Variants in NCOA7 observed in about 807,000 individuals in gnomAD.
NCOA7 encodes the protein 140 kDa estrogen receptor-associated protein.
A neutral mutation model predicts 104.3 loss-of-function variants in NCOA7; 45 were observed. That is an observed-to-expected ratio of 0.43 (90% CI 0.34 to 0.55). The LOEUF is 0.55. NCOA7 is among the 20% of genes least tolerant of loss of function. The pLI is 0.02. For missense variants in NCOA7, 1,041 were observed against 1,119.7 expected (o/e 0.93, Z 1.00); for synonymous variants, 398 against 402.3 (o/e 0.99, Z 0.13).
At chr6:125,893,525 T>C (rs1246288941) in intron 10 of NCOA7, among the ~76,000 whole-genome samples, 1 of 152,134 alleles carries the variant, frequency 6.6e-6, no homozygotes, top group Non-Finnish European at 1.5e-5. Context: ...TTATTTACAA[T>C]GTACCCTATG....
At chr6:125,894,591 T>A (rs369115072) in intron 10 of NCOA7, among the ~76,000 whole-genome samples, 12 of 152,306 alleles carry the variant, frequency 7.9e-5, no homozygotes, top group East Asian at 5.8e-4. Context: ...TAAAGTTCAA[T>A]GCAGAGGATA....
intron 1 of NCOA7, among the ~76,000 whole-genome samples, chr6:125,803,151 G>A (rs546279054): frequency 4.6e-5 from 7 of 152,176 alleles, no homozygotes; most frequent in African/African-American, 7.2e-5. Context: ...TGATTGTGTG[G>A]CACTATTGAA....
chr6:125,837,233 A>T (rs989948365), intron 2 of NCOA7, among the ~76,000 whole-genome samples: 3 of 152,088 alleles, frequency 2.0e-5, no homozygotes, highest in Non-Finnish European at 4.4e-5. Context: ...CCCGGATTGA[A>T]GTTTGTTTCT....
intron 2 of NCOA7, among the ~76,000 whole-genome samples, chr6:125,843,271 C>G (rs764117009): frequency 5.9e-5 from 9 of 152,066 alleles, no homozygotes; most frequent in Non-Finnish European, 8.8e-5. Context: ...AAGGGGCTAC[C>G]AGTAATATAG....
At chr6:125,919,548 A>G in intron 11 of NCOA7, 1 of 1,010,054 alleles carries the variant, frequency 9.9e-7, no homozygotes, top group East Asian at 2.6e-5. Context: ...CATTTCTACC[A>G]GCAGGTGTTT....
At chr6:125,908,246 C>T (rs1786207086) in intron 10 of NCOA7, among the ~76,000 whole-genome samples, 1 of 152,202 alleles carries the variant, frequency 6.6e-6, no homozygotes. Context: ...AAAATTGACA[C>T]CCCAGTACAC....
chr6:125,859,843 A>C (rs1781892364), intron 3 of NCOA7, among the ~76,000 whole-genome samples: 1 of 152,234 alleles, frequency 6.6e-6, no homozygotes, highest in Non-Finnish European at 1.5e-5. Flanking sequence ...GTAATAAGTC[A>C]TTGCTATCTC....
chr6:125,824,420 A>C (rs1482934501), intron 2 of NCOA7, among the ~76,000 whole-genome samples: 1 of 152,212 alleles, frequency 6.6e-6, no homozygotes, highest in Non-Finnish European at 1.5e-5. Context: ...AGTTTTCCCC[A>C]AAATGGGAAT....
intron 2 of NCOA7, among the ~76,000 whole-genome samples, chr6:125,841,805 C>T (rs1403797462): frequency 1.3e-5 from 2 of 152,036 alleles, no homozygotes; most frequent in Admixed American, 6.6e-5. Flanking sequence ...GGAAAAAATA[C>T]CTCTAAGATG....
intron 1 of NCOA7, among the ~76,000 whole-genome samples, chr6:125,811,727 C>A (rs1449353506): frequency 6.6e-6 from 1 of 152,124 alleles, no homozygotes; most frequent in African/African-American, 2.4e-5. Flanking sequence ...CACTCGAATT[C>A]TTGAATGAGT....
chr6:125,846,192 A>G (rs1378641190), intron 2 of NCOA7, among the ~76,000 whole-genome samples: 2 of 151,812 alleles, frequency 1.3e-5, no homozygotes, highest in Admixed American at 6.6e-5. Flanking sequence ...TTTGCTTTTA[A>G]TAGCCTTTGT....
At chr6:125,803,028 T>C (rs1453123829) in intron 1 of NCOA7, among the ~76,000 whole-genome samples, 1 of 152,214 alleles carries the variant, frequency 6.6e-6, no homozygotes, top group African/African-American at 2.4e-5. Flanking sequence ...CTCTCTGTTG[T>C]TACCAAGACA....
In NCOA7 at chr6:125,889,260, A is replaced by G. The variant is rs1784455394; in HGVS notation, c.1206A>G (p.Glu402=). The G allele has an allele frequency of 6.2e-7, 1 of 1,613,926 alleles. No homozygotes were observed. Among genetic ancestry groups the G allele is most frequent in the South Asian group, 1.1e-5 (1 of 91,086 alleles). Residue 402 remains glutamate (E), a synonymous_variant, in exon 9 of 16, where the codon GAA becomes GAG. Coordinates refer to ENST00000392477, the MANE Select transcript of NCOA7 (RefSeq NM_181782.5). ...KEPSDTSSAF[E]STAKENFLGE... ...CTTCCGACACTTCTTCTGCATTTGA[A>G]TCTACAGCCAAAGAAAACTTTCTAG...
At chr6:125,862,837 T>C (rs957765118) in intron 3 of NCOA7, among the ~76,000 whole-genome samples, 1 of 136,768 alleles carries the variant, frequency 7.3e-6, no homozygotes, top group African/African-American at 3.1e-5. Context: ...CTACTAAACA[T>C]ACAAAAAAAT....
Position 125,801,473 on chromosome 6 carries a change from G to A in NCOA7, c.-65+10406G>A, listed in dbSNP as rs948438810. Among the ~76,000 whole-genome samples the A allele has an allele frequency of 2.0e-5, 3 of 152,310 alleles. No homozygotes were observed. The East Asian group carries it at 5.8e-4, about 29-fold the overall frequency. On this transcript the variant is annotated intron_variant, in intron 1 of 15. Transcript: ENST00000392477. Reference sequence around the variant, plus strand: ...AGTATCCTATTGCAACAGTGATAGTGTATAAAAGTAATTTAAAATTAGTGT... The same window carrying A: ...AGTATCCTATTGCAACAGTGATAGTATATAAAAGTAATTTAAAATTAGTGT...
chr6:125,786,129 C>T (rs1393702522), upstream of NCOA7: 1 of 152,148 alleles, frequency 6.6e-6, no homozygotes, highest in East Asian at 1.9e-4. Flanking sequence ...TCTCTTCTGC[C>T]TCTTTAGTTG....
In NCOA7 at chr6:125,806,138, C is replaced by G. The variant is rs148707281; in HGVS notation, c.-64-9153C>G. Among the ~76,000 whole-genome samples the G allele has an allele frequency of 3.5e-3, 527 of 152,194 alleles. 1 individual carries two copies. Among genetic ancestry groups the G allele is most frequent in the African/African-American group, 0.012 (498 of 41,514 alleles). On this transcript the variant is annotated intron_variant, in intron 1 of 15. Coordinates refer to ENST00000392477, the MANE Select transcript of NCOA7 (RefSeq NM_181782.5). ...GGCAGATCACCTGAAGTCAGTAGTT[C>G]AAGACCAACCTGGCCAACATGGCAA...
In NCOA7 at chr6:125,899,072, C is replaced by T. The variant is rs189866745; in HGVS notation, c.2096+8262C>T. Among the ~76,000 whole-genome samples, 88 of 151,978 alleles carry T rather than the reference C, an allele frequency of 5.8e-4. 1 individual carries two copies. Among genetic ancestry groups the T allele is most frequent in the Admixed American group, 2.6e-3 (40 of 15,272 alleles). On this transcript the variant is annotated intron_variant, in intron 10 of 15. Transcript: ENST00000392477. Reference sequence around the variant, plus strand: ...TCCTTAAAAATGTGTATTTTTCTGCCATTAAATATTCTATTCACATGCATT... The same window carrying T: ...TCCTTAAAAATGTGTATTTTTCTGCTATTAAATATTCTATTCACATGCATT...
intron 10 of NCOA7, among the ~76,000 whole-genome samples, chr6:125,910,368 A>G (rs1786418231): frequency 6.6e-6 from 1 of 152,214 alleles, no homozygotes; most frequent in African/African-American, 2.4e-5. Flanking sequence ...CACATAATAT[A>G]TATTTCCTTT....
Sources: allele counts gnomAD v4.1 joint callset (sites outside exome capture counted in the v4.1 genomes callset), GRCh38; gene constraint gnomAD v4.1.1; transcripts MANE v1.5; gene names NCBI Gene and HGNC (gene_info 2026-07-23, HGNC 2026-07-21).